Variants in KLF3 observed in about 807,000 individuals in gnomAD.
KLF3 encodes KLF transcription factor 3.
KLF3 carries 6 observed loss-of-function variants against 32.7 expected under a neutral mutation model. The observed-to-expected ratio is 0.18, with a 90% CI of 0.10 to 0.36. The LOEUF is 0.36. KLF3 is among the 10% of genes least tolerant of loss of function. KLF3 has a pLI of 1.00. For missense variants in KLF3, 338 were observed against 449.7 expected (o/e 0.75, Z 2.25); for synonymous variants, 145 against 172.8 (o/e 0.84, Z 1.26).
intron 4 of KLF3, among the ~76,000 whole-genome samples, chr4:38,693,632 T>C (rs1722951520): frequency 6.6e-6 from 1 of 152,164 alleles, no homozygotes; most frequent in Non-Finnish European, 1.5e-5. Flanking sequence ...AATATTCCTG[T>C]ATTATATGGA....
chr4:38,683,005 G>A (rs1317847053), intron 2 of KLF3, among the ~76,000 whole-genome samples: 1 of 151,982 alleles, frequency 6.6e-6, no homozygotes, highest in African/African-American at 2.4e-5. Context: ...AAACATTTGA[G>A]CAGTGGGGTG....
intron 2 of KLF3, among the ~76,000 whole-genome samples, chr4:38,686,636 A>G (rs1467544772): frequency 6.6e-6 from 1 of 152,136 alleles, no homozygotes; most frequent in Admixed American, 6.6e-5. Context: ...TGTGCACAGT[A>G]AAGTTTGAGA....
In KLF3 at chr4:38,697,283, C is replaced by T; in HGVS notation, c.*20C>T. ...GTCTGATTGCCTCTGTGTCCTGCCT[C>T]AGCGTGACTCCCCACTCACCTGGCT... On this transcript the variant is annotated 3_prime_UTR_variant, in exon 6 of 6. Transcript: ENST00000261438. 1.3e-6 allele frequency: 2 copies of T among 1,576,238 alleles called. No homozygotes were observed. Among genetic ancestry groups the T allele is most frequent in the Non-Finnish European group, 1.7e-6 (2 of 1,157,050 alleles).
chr4:38,672,096 A>C (rs1274144700), intron 1 of KLF3, among the ~76,000 whole-genome samples: 2 of 152,162 alleles, frequency 1.3e-5, no homozygotes, highest in Non-Finnish European at 2.9e-5. Flanking sequence ...AGGGGCAATA[A>C]CTTTTCCTTA....
At chr4:38,689,128 C>A in intron 3 of KLF3, 57 bp downstream of exon 3, 1 of 1,590,092 alleles carries the variant, frequency 6.3e-7, no homozygotes, top group South Asian at 1.1e-5. Flanking sequence ...GGCGCTTCAC[C>A]AGATGGGGTG....
intron 2 of KLF3, 68 bp downstream of exon 2, chr4:38,680,750 A>T (rs1000105949): frequency 7.8e-7 from 1 of 1,280,670 alleles, no homozygotes; most frequent in Non-Finnish European, 1.1e-6. Flanking sequence ...TTGTGTGTTG[A>T]ATTATTCCTT....
chr4:38,683,108 A>T (rs1363401638), intron 2 of KLF3, among the ~76,000 whole-genome samples: 1 of 152,180 alleles, frequency 6.6e-6, no homozygotes, highest in African/African-American at 2.4e-5. Flanking sequence ...GGTGAAGTAT[A>T]TTGAACCTAA....
chr4:38,696,355 C>G (rs1039703185), intron 5 of KLF3, among the ~76,000 whole-genome samples: 3 of 152,042 alleles, frequency 2.0e-5, no homozygotes, highest in South Asian at 2.1e-4. Context: ...ACTCATGACC[C>G]TTATGACTAA....
rs200138091 is a variant in KLF3 at position 38,688,867 on chromosome 4, G to A, written c.340G>A (p.Val114Met). 29 of 1,614,170 alleles carry A rather than the reference G, an allele frequency of 1.8e-5. No homozygotes were observed. The highest frequency in any genetic ancestry group is 1.1e-4 in the East Asian group (5 of 44,884). Residue 114 changes from valine (V) to methionine (M), a missense_variant, in exon 3 of 6, where the codon GTG becomes ATG. Val to Met is a conservative substitution (Grantham distance 21). Around this residue, in one of 2 missense-constraint regions of KLF3, gnomAD observed 272 missense variants for 313.4 expected, o/e 0.87. Transcript: ENST00000261438. This position sits in a 1 kb window ranked among gnomAD's most constrained non-coding sequence, Gnocchi z 4.9. ...AAAATACTCACCCCCTTCTCCAGGC[G>A]TGCAGCCCTTCGGCGTGCCGCTGTC... ...IKKYSPPSPGVQPFGVPLSMP... is the reference protein window; with the variant it reads ...IKKYSPPSPGMQPFGVPLSMP...
In KLF3 at chr4:38,671,160, C is replaced by T. The variant is rs1394035256; in HGVS notation, c.-40+6699C>T. Among the ~76,000 whole-genome samples, 1 of 152,212 alleles carries T rather than the reference C, an allele frequency of 6.6e-6. No homozygotes were observed. Among genetic ancestry groups the T allele is most frequent in the Non-Finnish European group, 1.5e-5 (1 of 68,028 alleles). ...AAGTGCCCGGGTCTGCAGGCAGACA[C>T]GCTTCTGTTCCTGGCTGCAGCTCCA... On this transcript the variant is annotated intron_variant, in intron 1 of 5. Coordinates refer to ENST00000261438, the MANE Select transcript of KLF3 (RefSeq NM_016531.6). The surrounding 1 kb of genome is among the most constrained non-coding windows in gnomAD (Gnocchi z 4.4).
chr4:38,692,808 A>T (rs1277424876), intron 4 of KLF3, among the ~76,000 whole-genome samples: 1 of 152,210 alleles, frequency 6.6e-6, no homozygotes, highest in Non-Finnish European at 1.5e-5. Context: ...TGAAAAAGAT[A>T]GTCTCCCAGT....
Position 38,678,447 on chromosome 4 carries a change from A to G in KLF3, c.-39-2140A>G, listed in dbSNP as rs530929551. 1.4e-4 allele frequency among the ~76,000 whole-genome samples: 21 copies of G among 152,344 alleles called. 1 individual carries two copies. The South Asian group carries it at 3.5e-3, about 26-fold the overall frequency. On this transcript the variant is annotated intron_variant, in intron 1 of 5. Transcript: ENST00000261438. The stretch of plus-strand genomic sequence containing the variant: ...TTGCTGGAATACATAAGAGGGTAGT[A>G]GCACTATTGATTTGAGCAGCTTGGT...
intron 1 of KLF3, among the ~76,000 whole-genome samples, chr4:38,679,679 C>T (rs544642023): frequency 2.4e-4 from 36 of 152,232 alleles, no homozygotes; most frequent in Non-Finnish European, 4.6e-4. Flanking sequence ...CACAGTGGCA[C>T]GGGGGATTTG....
At chr4:38,665,798 C>A (rs975739382) in intron 1 of KLF3, among the ~76,000 whole-genome samples, 1 of 152,178 alleles carries the variant, frequency 6.6e-6, no homozygotes, top group Admixed American at 6.5e-5. Context: ...TTTGTGCTAT[C>A]CTTTTCTGTA....
intron 1 of KLF3, among the ~76,000 whole-genome samples, chr4:38,679,783 C>T (rs578059726): frequency 6.6e-6 from 1 of 152,132 alleles, no homozygotes. Flanking sequence ...TACTAAATAC[C>T]ATGTACACTA....
intron 1 of KLF3, among the ~76,000 whole-genome samples, chr4:38,677,500 C>T (rs537371625): frequency 1.3e-5 from 2 of 152,262 alleles, no homozygotes; most frequent in East Asian, 1.9e-4. Context: ...AGAATTTGAA[C>T]GAAAAGGAAC....
In KLF3 at chr4:38,671,266, CCCTTCCA is replaced by C. The variant is rs1722190901; in HGVS notation, c.-40+6810_-40+6816del. 6.6e-6 allele frequency among the ~76,000 whole-genome samples: 1 copy of C among 152,218 alleles called. No individual in the cohort carries two copies. The highest frequency in any genetic ancestry group is 2.1e-4 in the South Asian group (1 of 4,834). On this transcript the variant is annotated intron_variant, in intron 1 of 5. Coordinates refer to ENST00000261438, the MANE Select transcript of KLF3 (RefSeq NM_016531.6). The surrounding 1 kb of genome is among the most constrained non-coding windows in gnomAD (Gnocchi z 4.4). ...TTCTAAAATGGGGATGAGGACCTGACCCTTCCACCTTTGTGCAGTTATTATGAGGATT... is the reference window on the plus strand; with the variant it reads ...TTCTAAAATGGGGATGAGGACCTGACCCTTTGTGCAGTTATTATGAGGATT...
In KLF3 at chr4:38,697,335, T is replaced by C; in HGVS notation, c.*72T>C. 1 of 1,325,802 alleles carries C rather than the reference T, an allele frequency of 7.5e-7. No homozygotes were observed. Among genetic ancestry groups the C allele is most frequent in the Non-Finnish European group, 1.0e-6 (1 of 966,486 alleles). 82.1% of individuals were successfully genotyped at this position (1,325,802 alleles called of 1,614,324 possible). On this transcript the variant is annotated 3_prime_UTR_variant, in exon 6 of 6. Coordinates refer to ENST00000261438, the MANE Select transcript of KLF3 (RefSeq NM_016531.6). ...TCTCTCTGTCCTGCCTCCCATTATC[T>C]AACACATTTTTTACATGTACATTTT...
chr4:38,680,381 T>G (rs1231389766), intron 1 of KLF3, among the ~76,000 whole-genome samples: 1 of 151,940 alleles, frequency 6.6e-6, no homozygotes, highest in African/African-American at 2.4e-5. Context: ...GCCCAGCTAA[T>G]TTTTGCATTT....
Sources: gnomAD v4.1 joint callset for allele counts (sites outside exome capture counted in the v4.1 genomes callset) on GRCh38, gnomAD v4.1.1 for gene constraint, gnomAD v4.1.1 regional missense constraint, Gnocchi (gnomAD v3.1) non-coding constraint, MANE v1.5 for transcripts, NCBI Gene and HGNC (gene_info 2026-07-23, HGNC 2026-07-21) for gene names.